Variants in PHACTR1 observed in about 807,000 individuals in gnomAD.
PHACTR1 encodes phosphatase and actin regulator 1, also known as RPEL repeat containing 1.
Under a neutral mutation model 69.2 loss-of-function variants are expected in PHACTR1, and 16 were observed. The observed-to-expected ratio is 0.23, with a 90% CI of 0.16 to 0.35. The LOEUF (loss-of-function observed/expected upper bound fraction) is 0.35. PHACTR1 is among the 10% of genes least tolerant of loss of function. The pLI is 1.00. For missense variants in PHACTR1, 510 were observed against 734.7 expected (o/e 0.69, Z 3.54); for synonymous variants, 312 against 284.5 (o/e 1.10, Z -0.97).
chr6:12,905,631 A>G (rs1785643372), intron 4 of PHACTR1, among the ~76,000 whole-genome samples: 1 of 152,200 alleles, frequency 6.6e-6, no homozygotes, highest in Non-Finnish European at 1.5e-5. Flanking sequence ...AGGGCATGAC[A>G]GCACATCCAG....
At chr6:13,201,527 A>G (rs1765234342) in intron 7 of PHACTR1, among the ~76,000 whole-genome samples, 1 of 152,158 alleles carries the variant, frequency 6.6e-6, no homozygotes, top group African/African-American at 2.4e-5. Context: ...CATGCCCAGC[A>G]GGTGCTGTAG....
chr6:13,226,642 A>C (rs1265605437), intron 8 of PHACTR1, among the ~76,000 whole-genome samples: 1 of 152,176 alleles, frequency 6.6e-6, no homozygotes, highest in African/African-American at 2.4e-5. Flanking sequence ...AAAGGGTTCT[A>C]AGTTACTACA....
At chr6:12,781,779 G>A (rs754301364) in intron 4 of PHACTR1, among the ~76,000 whole-genome samples, 3 of 152,204 alleles carry the variant, frequency 2.0e-5, no homozygotes, top group Non-Finnish European at 4.4e-5. Context: ...CTCCTGGAGG[G>A]AGGGAGGGTG....
At chr6:12,808,799 T>C (rs1404248789) in intron 4 of PHACTR1, among the ~76,000 whole-genome samples, 9 of 151,504 alleles carry the variant, frequency 5.9e-5, no homozygotes, top group Non-Finnish European at 1.2e-4. Flanking sequence ...TCCTCCTTCT[T>C]CTCCTTCTTC....
At chr6:13,233,257 G>T (rs180695169) in intron 10 of PHACTR1, among the ~76,000 whole-genome samples, 1 of 151,938 alleles carries the variant, frequency 6.6e-6, no homozygotes, top group Admixed American at 6.6e-5. Context: ...GACATAAACC[G>T]TCCATGCCCT....
At chr6:12,870,976 C>T (rs1184197895) in intron 4 of PHACTR1, among the ~76,000 whole-genome samples, 2 of 152,110 alleles carry the variant, frequency 1.3e-5, no homozygotes, top group Non-Finnish European at 1.5e-5. Flanking sequence ...GACTAAGACT[C>T]GAGTAATCAT....
At chr6:13,117,065 C>A (rs1352239771) in intron 5 of PHACTR1, among the ~76,000 whole-genome samples, 1 of 152,218 alleles carries the variant, frequency 6.6e-6, no homozygotes, top group Non-Finnish European at 1.5e-5. Flanking sequence ...AGCCTTAAAT[C>A]TGCAGAACAT....
At chr6:12,894,171 T>TA (rs1258481964) in intron 4 of PHACTR1, among the ~76,000 whole-genome samples, 2 of 152,252 alleles carry the variant, frequency 1.3e-5, no homozygotes, top group African/African-American at 4.8e-5. Flanking sequence ...TTTGAGACTC[T>TA]AATATCTCAA....
chr6:13,003,963 A>ATATATATATATATATATATATATATT (rs890144098), intron 4 of PHACTR1, among the ~76,000 whole-genome samples: 1 of 90,268 alleles, frequency 1.1e-5, no homozygotes, highest in Middle Eastern at 5.6e-3. Context: ...ATATATATAT[A>ATATATATATATATATATATATATATT]TGTATATATA....
chr6:13,150,367 T>C (rs1490576577), intron 5 of PHACTR1, among the ~76,000 whole-genome samples: 2 of 152,036 alleles, frequency 1.3e-5, no homozygotes, highest in African/African-American at 4.8e-5. Flanking sequence ...TAATAATAAA[T>C]TTTCTTTCAT....
intron 4 of PHACTR1, among the ~76,000 whole-genome samples, chr6:12,931,220 T>A (rs1788835495): frequency 6.6e-6 from 1 of 152,174 alleles, no homozygotes; most frequent in Non-Finnish European, 1.5e-5. Flanking sequence ...CTCCAACGAT[T>A]GTGACTTTTC....
intron 4 of PHACTR1, among the ~76,000 whole-genome samples, chr6:12,804,199 G>A (rs1774030799): frequency 6.6e-6 from 1 of 152,168 alleles, no homozygotes; most frequent in African/African-American, 2.4e-5. Context: ...AAAACCAAAT[G>A]CCTATGGAAT....
intron 6 of PHACTR1, among the ~76,000 whole-genome samples, chr6:13,168,027 T>C (rs1760067674): frequency 6.6e-6 from 1 of 152,266 alleles, no homozygotes; most frequent in Admixed American, 6.5e-5. Flanking sequence ...CTTCTAAATC[T>C]TGACGTTTAT....
chr6:13,140,490 G>C (rs1026688677), intron 5 of PHACTR1, among the ~76,000 whole-genome samples: 1 of 152,058 alleles, frequency 6.6e-6, no homozygotes, highest in Non-Finnish European at 1.5e-5. Flanking sequence ...TGTATAGCAC[G>C]GATGACCCTC....
At chr6:12,858,038 G>A (rs905826924) in intron 4 of PHACTR1, among the ~76,000 whole-genome samples, 1 of 152,090 alleles carries the variant, frequency 6.6e-6, no homozygotes, top group African/African-American at 2.4e-5. Flanking sequence ...GCCTGTTCTC[G>A]GTAAGTTTAC....
chr6:12,923,079 G>A (rs1396885069), intron 4 of PHACTR1, among the ~76,000 whole-genome samples: 2 of 152,104 alleles, frequency 1.3e-5, no homozygotes, highest in Non-Finnish European at 2.9e-5. Context: ...AATAGAATCC[G>A]AAACAGAGCC....
chr6:13,269,215 T>TAACC (rs2127439512), intron 10 of PHACTR1, among the ~76,000 whole-genome samples: 1 of 152,336 alleles, frequency 6.6e-6, no homozygotes, highest in African/African-American at 2.4e-5. Flanking sequence ...AAAGCCTGGG[T>TAACC]ATTACCAAAC....
intron 4 of PHACTR1, among the ~76,000 whole-genome samples, chr6:12,768,463 A>G (rs2127621819): frequency 6.6e-6 from 1 of 152,204 alleles, no homozygotes; most frequent in East Asian, 1.9e-4. Flanking sequence ...TCACCATCAA[A>G]TCCCTGTGGT....
intron 4 of PHACTR1, among the ~76,000 whole-genome samples, chr6:12,780,249 C>CTGTGTGTG (rs71552713): frequency 3.0e-3 from 447 of 147,562 alleles, no homozygotes; most frequent in African/African-American, 9.2e-3. Flanking sequence ...TATCTTTTCT[C>CTGTGTGTG]TGTGTGTGTG....
Sources: gnomAD v4.1 joint callset for allele counts (sites outside exome capture counted in the v4.1 genomes callset) on GRCh38, gnomAD v4.1.1 for gene constraint, MANE v1.5 for transcripts, NCBI Gene and HGNC (gene_info 2026-07-23, HGNC 2026-07-21) for gene names.